ADAMTS17: variants seen among roughly 807,000 people sequenced by gnomAD.
The protein encoded by ADAMTS17 is ADAM metallopeptidase with thrombospondin type 1 motif 17.
ADAMTS17 carries 113 observed loss-of-function variants against 141.5 expected under a neutral mutation model. The ratio of observed to expected loss-of-function variants is 0.80; its 90% CI spans 0.69 to 0.93. The LOEUF (loss-of-function observed/expected upper bound fraction) is 0.93. Ranked by LOEUF, ADAMTS17 falls within the 40% of genes least tolerant of loss-of-function variation. The pLI is 0.00. For synonymous variants in ADAMTS17, 768 were observed against 630.6 expected, an observed-to-expected ratio of 1.22 and a Z score of -3.27; for missense variants, 1,659 against 1,517.9, an observed-to-expected ratio of 1.09 and a Z score of -1.54.
At chr15:100,047,005 C>T (rs899260735) in intron 18 of ADAMTS17, among the ~76,000 whole-genome samples, 1 of 152,098 alleles carries the variant, frequency 6.6e-6, no homozygotes, top group Non-Finnish European at 1.5e-5. Flanking sequence ...GGAAATATCA[C>T]TGAATTCTTT....
At chr15:100,110,938 T>A (rs1442117619) in intron 13 of ADAMTS17, among the ~76,000 whole-genome samples, 1 of 152,178 alleles carries the variant, frequency 6.6e-6, no homozygotes, top group Non-Finnish European at 1.5e-5. Context: ...CTTCCAGGCC[T>A]CCTGTCCCAC....
chr15:100,007,829 T>G (rs1199962587), intron 18 of ADAMTS17, among the ~76,000 whole-genome samples: 1 of 151,892 alleles, frequency 6.6e-6, no homozygotes, highest in Non-Finnish European at 1.5e-5. Context: ...TGGAAAGTCA[T>G]GAGCAAAGGA....
In ADAMTS17 at chr15:99,997,265, C is replaced by A; in HGVS notation, c.2796+120G>T. On this transcript the variant is annotated intron_variant, in intron 19 of 21. Transcript: ENST00000268070. The surrounding 1 kb of genome is among the most constrained non-coding windows in gnomAD (Gnocchi z 4.7). ...GAAATTAAGAACACATGAGCTATAA[C>A]ACAACTTCAAGCTGACCTGGGGGCG... The A allele has an allele frequency of 8.8e-7, 1 of 1,132,538 alleles. No individual in the cohort carries two copies. The highest frequency in any genetic ancestry group is 1.3e-6 in the Non-Finnish European group (1 of 755,594). 70.2% of individuals were successfully genotyped at this position (1,132,538 alleles called of 1,614,324 possible). A position where few individuals can be genotyped will look rare whatever the true frequency, so the allele number is the denominator to read the frequency against.
chr15:100,231,528 G>C (rs1364628344), intron 7 of ADAMTS17, among the ~76,000 whole-genome samples: 1 of 152,174 alleles, frequency 6.6e-6, no homozygotes. Flanking sequence ...TACTGATGGT[G>C]ATCTGTTTCC....
At chr15:100,302,785 T>A (rs528459540) in intron 3 of ADAMTS17, among the ~76,000 whole-genome samples, 1 of 152,158 alleles carries the variant, frequency 6.6e-6, no homozygotes, top group South Asian at 2.1e-4. Context: ...TGTGAGAGTA[T>A]TGCCACAGGA....
chr15:100,139,259 G>C (rs769934011), intron 10 of ADAMTS17, among the ~76,000 whole-genome samples: 1 of 152,216 alleles, frequency 6.6e-6, no homozygotes, highest in Non-Finnish European at 1.5e-5. Context: ...GGGCGACTTA[G>C]CTCAGTTTTA....
intron 15 of ADAMTS17, among the ~76,000 whole-genome samples, chr15:100,066,374 C>G (rs1219886193): frequency 8.4e-6 from 1 of 118,500 alleles, no homozygotes; most frequent in African/African-American, 3.0e-5. Context: ...TATGGATACA[C>G]GTCTTAGATT....
At chr15:100,051,755 G>A (rs2032165808) in intron 16 of ADAMTS17, 24 bp from the exon 17 acceptor site, 7 of 1,613,966 alleles carry the variant, frequency 4.3e-6, no homozygotes, top group East Asian at 2.2e-5. Context: ...AAAACAAAAG[G>A]CCATTTTGAA....
intron 18 of ADAMTS17, among the ~76,000 whole-genome samples, chr15:100,004,136 G>T (rs1354037904): frequency 6.6e-6 from 1 of 152,264 alleles, no homozygotes; most frequent in Non-Finnish European, 1.5e-5. Context: ...AGCCGAAGGG[G>T]AGAGCAGAGC....
At chr15:100,237,808 G>C (rs1202430086) in intron 7 of ADAMTS17, among the ~76,000 whole-genome samples, 2 of 152,160 alleles carry the variant, frequency 1.3e-5, no homozygotes, top group African/African-American at 4.8e-5. Context: ...ATTTTTAGTA[G>C]AGACAGGGTT....
intron 10 of ADAMTS17, among the ~76,000 whole-genome samples, chr15:100,143,531 CA>C (rs1168370023): frequency 6.6e-6 from 1 of 152,198 alleles, no homozygotes; most frequent in Non-Finnish European, 1.5e-5. Flanking sequence ...AAAAACATCA[CA>C]TTACCATTGG....
chr15:100,189,743 G>A (rs537069607), intron 8 of ADAMTS17, among the ~76,000 whole-genome samples: 3 of 152,350 alleles, frequency 2.0e-5, no homozygotes, highest in Non-Finnish European at 4.4e-5. Flanking sequence ...TATGGCGATA[G>A]TATTACCAAG....
rs190495849 is a variant in ADAMTS17, at chr15:100,322,546, A to C, written c.616+8343T>G. 3.6e-4 allele frequency among the ~76,000 whole-genome samples: 55 copies of C among 152,344 alleles called. No homozygotes were observed. The East Asian group carries it at 0.01, about 29-fold the overall frequency. On this transcript the variant is annotated intron_variant, in intron 3 of 21. Transcript: ENST00000268070. ...AGAACACAATCCAAAATTACTTGAC[A>C]CATGAATAACTTGGAAAATGTGACC...
At chr15:100,284,827 T>C (rs997380992) in intron 3 of ADAMTS17, among the ~76,000 whole-genome samples, 3 of 152,192 alleles carry the variant, frequency 2.0e-5, no homozygotes, top group Admixed American at 6.5e-5. Context: ...AGAAAAACAC[T>C]AATTTCAGAA....
At chr15:100,265,477 C>A (rs1005535339) in intron 4 of ADAMTS17, among the ~76,000 whole-genome samples, 1 of 152,216 alleles carries the variant, frequency 6.6e-6, no homozygotes, top group Non-Finnish European at 1.5e-5. Context: ...GTCCTGGCTG[C>A]GTTTGTCACA....
In ADAMTS17 at chr15:100,178,993, T is replaced by A. The variant is rs2141515689; in HGVS notation, c.1181+20325A>T. Among the ~76,000 whole-genome samples, 2 of 152,340 alleles carry A rather than the reference T, an allele frequency of 1.3e-5. 1 individual carries two copies. Among genetic ancestry groups the A allele is most frequent in the Non-Finnish European group, 2.9e-5 (2 of 68,020 alleles). On this transcript the variant is annotated intron_variant, in intron 8 of 21. Coordinates refer to ENST00000268070, the MANE Select transcript of ADAMTS17 (RefSeq NM_139057.4). ...TTTCTGTGGGTACATAGTAGCTGTA[T>A]GTATTTATGGGGTGCATGAGATATT...
At chr15:100,113,381 G>A (rs774884184) in intron 13 of ADAMTS17, among the ~76,000 whole-genome samples, 1 of 152,190 alleles carries the variant, frequency 6.6e-6, no homozygotes, top group Non-Finnish European at 1.5e-5. Flanking sequence ...GCTCTAGGTA[G>A]TGTCAGTATC....
intron 8 of ADAMTS17, among the ~76,000 whole-genome samples, chr15:100,161,259 A>T (rs2039680543): frequency 6.6e-6 from 1 of 152,220 alleles, no homozygotes; most frequent in Non-Finnish European, 1.5e-5. Context: ...CTCGCAGGAC[A>T]TGAGTAGGTG....
At chr15:100,022,965 C>T (rs563550856) in intron 18 of ADAMTS17, among the ~76,000 whole-genome samples, 56 of 146,354 alleles carry the variant, frequency 3.8e-4, no homozygotes, top group Non-Finnish European at 7.9e-4. Flanking sequence ...CTGTTTTCAC[C>T]GGAGCACTGC....
Sources: gnomAD v4.1 joint callset for allele counts (sites outside exome capture counted in the v4.1 genomes callset) on GRCh38, gnomAD v4.1.1 for gene constraint, Gnocchi (gnomAD v3.1) non-coding constraint, MANE v1.5 for transcripts, NCBI Gene and HGNC (gene_info 2026-07-23, HGNC 2026-07-21) for gene names.